The following FGF10 variants were observed in gnomAD, a reference collection of about 807,000 sequenced individuals.
The protein encoded by FGF10 is FGF-10.
FGF10 carries 2 observed loss-of-function variants against 19.8 expected under a neutral mutation model. The ratio of observed to expected loss-of-function variants is 0.10; its 90% CI spans 0.04 to 0.32. The LOEUF is 0.32. Ranked by LOEUF, FGF10 falls within the 10% of genes least tolerant of loss-of-function variation. FGF10 has a pLI of 1.00. For synonymous variants in FGF10, 112 were observed against 94.0 expected (o/e 1.19, Z -1.10); for missense variants, 191 against 246.3 (o/e 0.78, Z 1.50).
rs181537581 is a variant in FGF10 at position 44,344,390 on chromosome 5, C to T, written c.326-33860G>A. On this transcript the variant is annotated intron_variant, in intron 1 of 2. Transcript: ENST00000264664. Reference sequence around the variant, plus strand: ...AGCAATTGTATTTGTTACTAGGGTACTATAAAAACCACAAGATGTGTCATT... The same window carrying T: ...AGCAATTGTATTTGTTACTAGGGTATTATAAAAACCACAAGATGTGTCATT... Among the ~76,000 whole-genome samples, 73 of 151,814 alleles carry T rather than the reference C, an allele frequency of 4.8e-4. 2 individuals carry two copies. The highest frequency in any genetic ancestry group is 8.8e-4 in the Non-Finnish European group (60 of 67,926).
intron 2 of FGF10, among the ~76,000 whole-genome samples, chr5:44,305,788 T>G (rs539845203): frequency 7.2e-5 from 11 of 152,312 alleles, no homozygotes; most frequent in Admixed American, 3.9e-4. Context: ...TGCAATATTC[T>G]ATAGCTTGGA....
At chr5:44,349,434 AT>A (rs1415018652) in intron 1 of FGF10, among the ~76,000 whole-genome samples, 4 of 21,316 alleles carry the variant, frequency 1.9e-4, no homozygotes, top group African/African-American at 3.8e-4. Flanking sequence ...ATATATATAT[AT>A]ATATATATAT....
At position 44,388,952 on chromosome 5, in the gene FGF10, G is replaced by C; in HGVS notation, c.-270C>G. ...GTGGGTGGCCGCAGCAGCAGGAGCT[G>C]GTGGTGGCGTTGGTGGTGTTGGTCA... On this transcript the variant is annotated 5_prime_UTR_variant, in exon 1 of 3. Transcript: ENST00000264664. 3.6e-6 allele frequency: 2 copies of C among 563,176 alleles called. No homozygotes were observed. The highest frequency in any genetic ancestry group is 9.5e-4 in the Middle Eastern group (2 of 2,114). 34.9% of individuals were successfully genotyped at this position (563,176 alleles called of 1,614,324 possible). A position where few individuals can be genotyped will look rare whatever the true frequency, so the allele number is the denominator to read the frequency against.
intron 1 of FGF10, among the ~76,000 whole-genome samples, chr5:44,380,720 C>T (rs1259922768): frequency 1.3e-5 from 2 of 152,178 alleles, no homozygotes; most frequent in African/African-American, 2.4e-5. Flanking sequence ...GTGGCTCACA[C>T]CCGTAATCCC....
intron 1 of FGF10, among the ~76,000 whole-genome samples, chr5:44,334,725 T>TA (rs1205783318): frequency 6.6e-6 from 1 of 152,120 alleles, no homozygotes; most frequent in Admixed American, 6.5e-5. Flanking sequence ...TCACTAGCTC[T>TA]AAAAAAATGA....
intron 1 of FGF10, 47 bp downstream of exon 1, chr5:44,388,311 C>T (rs200382374): frequency 1.3e-6 from 2 of 1,558,638 alleles, no homozygotes; most frequent in East Asian, 4.5e-5. Context: ...CCCGTGTGGG[C>T]TGGGGGTGGA....
chr5:44,368,296 G>A (rs990344995), intron 1 of FGF10, among the ~76,000 whole-genome samples: 8 of 152,086 alleles, frequency 5.3e-5, no homozygotes, highest in African/African-American at 1.9e-4. Context: ...AAAATTGGAA[G>A]TATGCAATTC....
chr5:44,388,573 C>A lies in FGF10; in HGVS notation c.110G>T (p.Cys37Phe). The change falls in exon 1 of 3, where the codon TGC becomes TTC. Residue 37 changes from cysteine (C) to phenylalanine (F), a missense_variant. Cys to Phe is a radical substitution (Grantham distance 205). Transcript: ENST00000264664. ...LFLVSSVPVT[C>F]QALGQDMVSP... The stretch of plus-strand genomic sequence containing the variant: ...CACCATGTCCTGACCAAGGGCTTGG[C>A]AGGTGACAGGGACGGAAGACACCAA... 1 of 1,614,126 alleles carries A rather than the reference C, an allele frequency of 6.2e-7. No homozygotes were observed.
chr5:44,381,924 T>C (rs945980503), intron 1 of FGF10, among the ~76,000 whole-genome samples: 7 of 152,180 alleles, frequency 4.6e-5, no homozygotes, highest in Non-Finnish European at 1.0e-4. Context: ...ATCAAGTTAA[T>C]CAATACTTTG....
chr5:44,348,759 T>C (rs946964017), intron 1 of FGF10, among the ~76,000 whole-genome samples: 2 of 151,598 alleles, frequency 1.3e-5, no homozygotes, highest in African/African-American at 4.8e-5. Flanking sequence ...GAAGTCCATA[T>C]TTAATTGGAA....
chr5:44,313,122 C>T (rs1055839651), intron 1 of FGF10, among the ~76,000 whole-genome samples: 1 of 151,942 alleles, frequency 6.6e-6, no homozygotes, highest in Non-Finnish European at 1.5e-5. Flanking sequence ...GTTATTGTTT[C>T]AAAATAGAGG....
At position 44,307,487 on chromosome 5, in the gene FGF10, A is replaced by T. The variant is rs929612714; in HGVS notation, c.430-2295T>A. On this transcript the variant is annotated intron_variant, in intron 2 of 2. Transcript: ENST00000264664. ...ATCCCATCAGTCAGGAGAAAACTCA[A>T]AATACAATAGATAAATTGCTTAGAG... is the stretch of plus-strand genomic sequence containing the variant. 3.9e-5 allele frequency among the ~76,000 whole-genome samples: 6 copies of T among 152,228 alleles called. No homozygotes were observed. In the East Asian group the frequency reaches 1.2e-3, roughly 29 times the overall value.
At chr5:44,384,123 G>A (rs1464216930) in intron 1 of FGF10, among the ~76,000 whole-genome samples, 2 of 152,020 alleles carry the variant, frequency 1.3e-5, no homozygotes, top group Non-Finnish European at 2.9e-5. Flanking sequence ...TTCTGCAACA[G>A]TCCAATTTAT....
intron 1 of FGF10, among the ~76,000 whole-genome samples, chr5:44,372,184 AC>A (rs1369186052): frequency 5.9e-5 from 9 of 152,026 alleles, no homozygotes; most frequent in East Asian, 1.9e-4. Flanking sequence ...TCTCCAGGGG[AC>A]AGCGTCCATT....
At chr5:44,363,756 A>C (rs145898997) in intron 1 of FGF10, among the ~76,000 whole-genome samples, 8 of 152,004 alleles carry the variant, frequency 5.3e-5, no homozygotes, top group African/African-American at 1.9e-4. Context: ...TAAGAAATCT[A>C]TTTTTAACTT....
intron 1 of FGF10, among the ~76,000 whole-genome samples, chr5:44,371,044 A>T (rs1356947825): frequency 6.6e-6 from 1 of 152,080 alleles, no homozygotes; most frequent in Non-Finnish European, 1.5e-5. Context: ...TGGTTTGAAT[A>T]TTTGTCCCCT....
chr5:44,365,166 C>T (rs1180068329), intron 1 of FGF10, among the ~76,000 whole-genome samples: 1 of 151,604 alleles, frequency 6.6e-6, no homozygotes, highest in Non-Finnish European at 1.5e-5. Flanking sequence ...CTGAAAGCTC[C>T]TTCCATACCT....
intron 1 of FGF10, among the ~76,000 whole-genome samples, chr5:44,339,316 A>G (rs992991868): frequency 3.9e-5 from 6 of 152,184 alleles, no homozygotes; most frequent in Non-Finnish European, 1.5e-5. Context: ...CTACTCAAAA[A>G]ATGTTACACA....
At chr5:44,377,515 T>C (rs1369827300) in intron 1 of FGF10, among the ~76,000 whole-genome samples, 1 of 152,260 alleles carries the variant, frequency 6.6e-6, no homozygotes, top group East Asian at 1.9e-4. Context: ...TTGCCTTTTA[T>C]TCTATAGTCA....
Sources: gnomAD v4.1 joint callset for allele counts (sites outside exome capture counted in the v4.1 genomes callset) on GRCh38, gnomAD v4.1.1 for gene constraint, MANE v1.5 for transcripts, NCBI Gene and HGNC (gene_info 2026-07-23, HGNC 2026-07-21) for gene names.